The following IQGAP2 variants were observed in gnomAD, a reference collection of about 807,000 sequenced individuals.
IQGAP2 encodes the protein ras GTPase-activating-like protein IQGAP2.
IQGAP2 carries 173 observed loss-of-function variants against 201.3 expected under a neutral mutation model. The observed-to-expected ratio is 0.86, with a 90% confidence interval of 0.76 to 0.98. The LOEUF is 0.98. Among genes scored for constraint, IQGAP2 ranks in the 50% least tolerant of loss-of-function variants. The pLI is 0.00. For missense variants in IQGAP2, 1,687 were observed against 1,864.8 expected (o/e 0.90, Z 1.76); for synonymous variants, 675 against 673.9 (o/e 1.00, Z -0.03).
intron 1 of IQGAP2, among the ~76,000 whole-genome samples, chr5:76,429,565 C>G (rs1277093438): frequency 7.2e-6 from 1 of 139,628 alleles, no homozygotes; most frequent in Non-Finnish European, 1.5e-5. Context: ...GAGCGAGACT[C>G]TGTCTCAAAA....
chr5:76,625,713 T>C (rs1750159348), intron 13 of IQGAP2, among the ~76,000 whole-genome samples: 1 of 152,200 alleles, frequency 6.6e-6, no homozygotes, highest in South Asian at 2.1e-4. Context: ...AGGAAAATAG[T>C]GTTAGAAGCC....
intron 2 of IQGAP2, among the ~76,000 whole-genome samples, chr5:76,513,377 A>G (rs1423119777): frequency 2.0e-5 from 3 of 152,222 alleles, no homozygotes; most frequent in Non-Finnish European, 4.4e-5. Flanking sequence ...GTCTGCCACC[A>G]AAACACCACT....
At chr5:76,456,193 C>A (rs763457882) in intron 1 of IQGAP2, among the ~76,000 whole-genome samples, 3 of 152,136 alleles carry the variant, frequency 2.0e-5, no homozygotes, top group Non-Finnish European at 4.4e-5. Context: ...ACTCGAGGGC[C>A]TGTGCTCAGT....
At chr5:76,503,208 T>C (rs946138461) in intron 2 of IQGAP2, among the ~76,000 whole-genome samples, 7 of 150,170 alleles carry the variant, frequency 4.7e-5, no homozygotes, top group African/African-American at 1.5e-4. Context: ...GAGTTTGGTC[T>C]TGTTGCCCAG....
At chr5:76,444,386 C>T (rs1306751165) in intron 1 of IQGAP2, among the ~76,000 whole-genome samples, 1 of 152,200 alleles carries the variant, frequency 6.6e-6, no homozygotes, top group Admixed American at 6.5e-5. Context: ...GCAACCTCTG[C>T]CTCCTGGATT....
intron 4 of IQGAP2, among the ~76,000 whole-genome samples, chr5:76,573,314 T>C (rs1213228486): frequency 6.6e-6 from 1 of 152,238 alleles, no homozygotes; most frequent in South Asian, 2.1e-4. Context: ...ATATATTGCA[T>C]TGCAGGGGCA....
Position 76,671,086 on chromosome 5 carries a change from A to G in IQGAP2, c.2844-673A>G, listed in dbSNP as rs1744264711. On this transcript the variant is annotated intron_variant, in intron 23 of 35. Coordinates refer to ENST00000274364, the MANE Select transcript of IQGAP2 (RefSeq NM_006633.5). ...GGACCAGCCTGGCCAACATGGTGAA[A>G]CTCTATCTCTCTGAAAATACAAAAA... 3.3e-5 allele frequency among the ~76,000 whole-genome samples: 5 copies of G among 151,950 alleles called. No homozygotes were observed. The South Asian group carries it at 1.0e-3, about 32-fold the overall frequency.
intron 1 of IQGAP2, chr5:76,441,617 C>G: frequency 1.6e-6 from 1 of 614,394 alleles, no homozygotes; most frequent in South Asian, 7.2e-5. Flanking sequence ...ACTTCTGGTT[C>G]TGTTCCCATT....
chr5:76,452,752 G>A (rs1157770462), intron 1 of IQGAP2, among the ~76,000 whole-genome samples: 1 of 152,128 alleles, frequency 6.6e-6, no homozygotes, highest in Non-Finnish European at 1.5e-5. Context: ...CTTCAGTTTA[G>A]TAGAAAGATC....
chr5:76,511,882 G>A (rs903735893), intron 2 of IQGAP2, among the ~76,000 whole-genome samples: 13 of 151,682 alleles, frequency 8.6e-5, no homozygotes, highest in African/African-American at 2.4e-5. Flanking sequence ...GGGTTTCACC[G>A]TTTTAGCCAG....
At position 76,695,655 on chromosome 5, in the gene IQGAP2, G is replaced by T; in HGVS notation, c.4195G>T (p.Glu1399Ter). ...AAATAAATACCAAGACATTCTCAAT[G>T]AGATTGCCAAGGTTTTTGGAAACAG... ...SENKYQDILN[E>*]IAKDIRNQRI... is the part of the protein sequence containing the mutation. Residue 1399 changes from glutamate (E) to a stop codon, truncating the protein, a stop_gained, in exon 32 of 36, where the codon GAG becomes TAG. Coordinates refer to ENST00000274364, the MANE Select transcript of IQGAP2 (RefSeq NM_006633.5). LOFTEE classifies it high-confidence loss of function. The T allele has an allele frequency of 1.2e-6, 2 of 1,613,476 alleles. No individual in the cohort carries two copies. Among genetic ancestry groups the T allele is most frequent in the South Asian group, 2.2e-5 (2 of 91,034 alleles).
At chr5:76,706,430 C>T (rs1449739094) in intron 35 of IQGAP2, among the ~76,000 whole-genome samples, 1 of 152,122 alleles carries the variant, frequency 6.6e-6, no homozygotes, top group Non-Finnish European at 1.5e-5. Flanking sequence ...TCGCTGCAAT[C>T]TCTGCCTACT....
chr5:76,625,950 A>G (rs1750181144), intron 13 of IQGAP2, among the ~76,000 whole-genome samples: 1 of 152,240 alleles, frequency 6.6e-6, no homozygotes, highest in Non-Finnish European at 1.5e-5. Context: ...GCCATCTCAG[A>G]AAAGATTTTA....
At chr5:76,684,967 C>T (rs759168817) in intron 30 of IQGAP2, among the ~76,000 whole-genome samples, 20 of 152,252 alleles carry the variant, frequency 1.3e-4, no homozygotes, top group Non-Finnish European at 2.4e-4. Context: ...AGGCTCCATT[C>T]GGTCATGCAG....
chr5:76,475,149 C>T lies in IQGAP2; in HGVS notation c.146+13480C>T, dbSNP rs551712362. 5.5e-4 allele frequency among the ~76,000 whole-genome samples: 84 copies of T among 152,246 alleles called. 1 individual carries two copies. Among genetic ancestry groups the T allele is most frequent in the Non-Finnish European group, 5.9e-5 (4 of 68,008 alleles). ...AAAAAGGAACAGAGGATACCCCTTCCTCTGGGATGAGAGGGGAGAGAGGAA... is the reference window on the plus strand; with the variant it reads ...AAAAAGGAACAGAGGATACCCCTTCTTCTGGGATGAGAGGGGAGAGAGGAA... On this transcript the variant is annotated intron_variant, in intron 2 of 35. Coordinates refer to ENST00000274364, the MANE Select transcript of IQGAP2 (RefSeq NM_006633.5).
At chr5:76,511,911 A>C (rs1006769166) in intron 2 of IQGAP2, among the ~76,000 whole-genome samples, 1 of 151,696 alleles carries the variant, frequency 6.6e-6, no homozygotes, top group Non-Finnish European at 1.5e-5. Context: ...CGATCTCCTG[A>C]CCTCGTGATC....
chr5:76,521,590 T>C (rs1758686515), intron 2 of IQGAP2, among the ~76,000 whole-genome samples: 1 of 152,220 alleles, frequency 6.6e-6, no homozygotes, highest in Non-Finnish European at 1.5e-5. Flanking sequence ...TTGGATAAGC[T>C]TGATGCTTTG....
chr5:76,585,991 T>TG (rs1746219402), intron 5 of IQGAP2, among the ~76,000 whole-genome samples: 1 of 152,204 alleles, frequency 6.6e-6, no homozygotes, highest in Non-Finnish European at 1.5e-5. Context: ...TAACTGGAAT[T>TG]TTTTCCCTAT....
chr5:76,560,063 G>A (rs1270715876), intron 2 of IQGAP2, among the ~76,000 whole-genome samples: 1 of 152,152 alleles, frequency 6.6e-6, no homozygotes, highest in African/African-American at 2.4e-5. Flanking sequence ...TGTATGTATA[G>A]CTCACATTTA....
Sources: allele counts gnomAD v4.1 joint callset (sites outside exome capture counted in the v4.1 genomes callset), GRCh38; gene constraint gnomAD v4.1.1; transcripts MANE v1.5; gene names NCBI Gene and HGNC (gene_info 2026-07-23, HGNC 2026-07-21).